Variants in SH3KBP1 observed in about 807,000 individuals in gnomAD.
SH3KBP1 encodes the protein SH3 domain containing kinase binding protein 1, also known as SH3 domain-containing kinase-binding protein 1.
A neutral mutation model predicts 50.1 loss-of-function variants in SH3KBP1; 8 were observed. The observed-to-expected ratio is 0.16, with a 90% CI of 0.09 to 0.29. The LOEUF (loss-of-function observed/expected upper bound fraction) is 0.29. SH3KBP1 is among the 10% of genes least tolerant of loss of function. The pLI is 1.00. For missense variants in SH3KBP1, 377 were observed against 535.2 expected (o/e 0.70, Z 2.92); for synonymous variants, 227 against 218.6 (o/e 1.04, Z -0.34).
At chrX:19,761,054 G>A (rs771293730) in intron 2 of SH3KBP1, among the ~76,000 whole-genome samples, 1 of 103,651 alleles carries the variant, frequency 9.6e-6, no homozygotes, top group South Asian at 4.8e-4. Flanking sequence ...GAGAGGAGGC[G>A]GCGGAGGTGT....
rs191466573 is a variant in SH3KBP1 at position 19,737,369 on chromosome X, G to A, written c.286+8949C>T. Among the ~76,000 whole-genome samples, 7 of 111,566 alleles carry A rather than the reference G, an allele frequency of 6.3e-5. No homozygotes were observed. In the East Asian group the frequency reaches 1.4e-3, roughly 22 times the overall value. On this transcript the variant is annotated intron_variant, in intron 3 of 17. Transcript: ENST00000397821. ...GTTCGTTCGCCTGGGATGTCAATAA[G>A]TGGGTCCCTCTGTAACCTCTGTAAC...
chrX:19,563,847 G>A lies in SH3KBP1; in HGVS notation c.1384+5256C>T, dbSNP rs183793221. ...CAGTAAGGAGACAGTGTCTGTAGGA[G>A]CCAGCCGTGGCTCTTCAGTGAAAGT... On this transcript the variant is annotated intron_variant, in intron 13 of 17. Coordinates refer to ENST00000397821, the MANE Select transcript of SH3KBP1 (RefSeq NM_031892.3). Among the ~76,000 whole-genome samples the A allele has an allele frequency of 2.4e-3, 270 of 111,897 alleles. 1 individual carries two copies. The highest frequency in any genetic ancestry group is 7.9e-3 in the African/African-American group (243 of 30,795).
intron 9 of SH3KBP1, among the ~76,000 whole-genome samples, chrX:19,606,054 TAG>T (rs1291128146): frequency 8.9e-6 from 1 of 112,100 alleles, no homozygotes; most frequent in Non-Finnish European, 1.9e-5. Context: ...CAGTTTTAGC[TAG>T]AGTCTTCCTA....
At position 19,567,518 on chromosome X, in the gene SH3KBP1, CAAAAAAAAAAAAAAAAAAAAAAA is replaced by C. The variant is rs869158450; in HGVS notation, c.1384+1562_1384+1584del. Among the ~76,000 whole-genome samples, 7 of 7,272 alleles carry C rather than the reference CAAAAAAAAAAAAAAAAAAAAAAA, an allele frequency of 9.6e-4. 1 individual carries two copies. Among genetic ancestry groups the C allele is most frequent in the East Asian group, 7.0e-3 (1 of 143 alleles). 6.3% of individuals were successfully genotyped at this position (7,272 alleles called of 115,157 possible). ...TGGGTGACAGAGCAAGACTCCATCTCAAAAAAAAAAAAAAAAAAAAAAAAAAAAAAAAAAAAAAAATATATATA... is the reference window on the plus strand; with the variant it reads ...TGGGTGACAGAGCAAGACTCCATCTCAAAAAAAAAAAAAAAAATATATATA... On this transcript the variant is annotated intron_variant, in intron 13 of 17. Coordinates refer to ENST00000397821, the MANE Select transcript of SH3KBP1 (RefSeq NM_031892.3).
chrX:19,760,610 G>T (rs923575504), intron 2 of SH3KBP1, among the ~76,000 whole-genome samples: 5 of 110,023 alleles, frequency 4.5e-5, no homozygotes, highest in African/African-American at 1.7e-4. Flanking sequence ...CTTCCAGTAA[G>T]GAGCAGCTAG....
chrX:19,760,835 G>A (rs1253536679), intron 2 of SH3KBP1, among the ~76,000 whole-genome samples: 1 of 110,709 alleles, frequency 9.0e-6, no homozygotes. Context: ...ACAGACATGG[G>A]CCAGGGGCTA....
At chrX:19,811,258 C>T (rs1456693340) in intron 2 of SH3KBP1, among the ~76,000 whole-genome samples, 1 of 111,358 alleles carries the variant, frequency 9.0e-6, no homozygotes, top group African/African-American at 3.3e-5. Flanking sequence ...AATTACAGAA[C>T]GACAGCTACC....
chrX:19,674,008 C>A (rs760348210), intron 6 of SH3KBP1, among the ~76,000 whole-genome samples: 1 of 112,764 alleles, frequency 8.9e-6, no homozygotes, highest in East Asian at 2.8e-4. Flanking sequence ...TATCCCATCC[C>A]TTCCTTCTTG....
At chrX:19,682,009 A>G (rs1192204529) in intron 6 of SH3KBP1, among the ~76,000 whole-genome samples, 2 of 110,986 alleles carry the variant, frequency 1.8e-5, no homozygotes, top group African/African-American at 6.6e-5. Flanking sequence ...TGAGAGAAAG[A>G]GCCAGGGACA....
At position 19,631,075 on chromosome X, in the gene SH3KBP1, C is replaced by T. The variant is rs1416975060; in HGVS notation, c.897+789G>A. 4.5e-5 allele frequency among the ~76,000 whole-genome samples: 5 copies of T among 112,245 alleles called. No individual in the cohort carries two copies. The Admixed American group carries it at 4.7e-4, about 11-fold the overall frequency. On this transcript the variant is annotated intron_variant, in intron 8 of 17. Transcript: ENST00000397821. ...GATGATCTCCCAAGTCACACTTGTG[C>T]TAAGGGAACTGTGCTAAGTTCCCTG...
chrX:19,887,402 C>T lies in SH3KBP1; in HGVS notation c.-92G>A. 1 of 790,572 alleles carries T rather than the reference C, an allele frequency of 1.3e-6. No homozygotes were observed. Among genetic ancestry groups the T allele is most frequent in the Non-Finnish European group, 1.6e-6 (1 of 625,268 alleles). The allele number at this position is 790,572 out of a possible 1,213,427, so 65.2% of individuals were successfully genotyped here. On this transcript the variant is annotated 5_prime_UTR_variant, in exon 1 of 18. Transcript: ENST00000397821. ...GGCGCCGGGATCGGGGCGCTGGGAT[C>T]CAGGCGCGAGGGTCCGGACGCGGCG...
chrX:19,574,482 C>T lies in SH3KBP1; in HGVS notation c.1299-5294G>A, dbSNP rs762942724. On this transcript the variant is annotated intron_variant, in intron 12 of 17. Transcript: ENST00000397821. Reference sequence around the variant, plus strand: ...ATAAACAACAGAAATTTATTTCTTACAGTTCTGGAGGCTGGGAAGTCCAAG... The same window carrying T: ...ATAAACAACAGAAATTTATTTCTTATAGTTCTGGAGGCTGGGAAGTCCAAG... Among the ~76,000 whole-genome samples, 10 of 112,756 alleles carry T rather than the reference C, an allele frequency of 8.9e-5. No individual in the cohort carries two copies. In the South Asian group the frequency reaches 3.6e-3, roughly 41 times the overall value.
chrX:19,583,453 C>A (rs1472151632), intron 12 of SH3KBP1, among the ~76,000 whole-genome samples: 1 of 111,388 alleles, frequency 9.0e-6, no homozygotes, highest in Non-Finnish European at 1.9e-5. Flanking sequence ...GCGTGCCCAG[C>A]CCACCATTGA....
At chrX:19,617,644 T>C (rs187705125) in intron 8 of SH3KBP1, among the ~76,000 whole-genome samples, 153 of 112,428 alleles carry the variant, frequency 1.4e-3, no homozygotes, top group African/African-American at 4.8e-3. Context: ...GAAGGATAAA[T>C]ACATGCAGTA....
At position 19,717,852 on chromosome X, in the gene SH3KBP1, G is replaced by A. The variant is rs1029018846; in HGVS notation, c.287-10868C>T. 1.4e-4 allele frequency among the ~76,000 whole-genome samples: 16 copies of A among 111,343 alleles called. 1 individual carries two copies. The highest frequency in any genetic ancestry group is 2.9e-4 in the African/African-American group (9 of 30,591). On this transcript the variant is annotated intron_variant, in intron 3 of 17. Coordinates refer to ENST00000397821, the MANE Select transcript of SH3KBP1 (RefSeq NM_031892.3). ...GGGCTATATATGAACAAGAAATGACGTATGTTTGATTTTATATTCGGTCCC... is the reference window on the plus strand; with the variant it reads ...GGGCTATATATGAACAAGAAATGACATATGTTTGATTTTATATTCGGTCCC...
At chrX:19,788,269 C>CAAAAAAAAAAAAAAAAAAAAA (rs1227301099) in intron 2 of SH3KBP1, among the ~76,000 whole-genome samples, 3 of 25,574 alleles carry the variant, frequency 1.2e-4, no homozygotes, top group Non-Finnish European at 1.8e-4. Flanking sequence ...ATTCTATCTC[C>CAAAAAAAAAAAAAAAAAAAAA]AAAAAAAAAA....
chrX:19,841,162 T>C (rs1032368790), intron 1 of SH3KBP1, among the ~76,000 whole-genome samples: 3 of 111,358 alleles, frequency 2.7e-5, no homozygotes, highest in Non-Finnish European at 3.8e-5. Context: ...GCGGTGGTGG[T>C]GGCGGTGGTA....
chrX:19,557,573 C>T (rs1024442772), intron 13 of SH3KBP1, among the ~76,000 whole-genome samples: 2 of 112,061 alleles, frequency 1.8e-5, no homozygotes, highest in African/African-American at 6.5e-5. Context: ...ACCAGCCCCA[C>T]GTGGCTACAG....
At chrX:19,575,968 C>T (rs1410452768) in intron 12 of SH3KBP1, among the ~76,000 whole-genome samples, 1 of 111,606 alleles carries the variant, frequency 9.0e-6, no homozygotes, top group African/African-American at 3.3e-5. Context: ...AAGGAAAAAG[C>T]CCATCCTTTT....
Sources: allele counts gnomAD v4.1 joint callset (sites outside exome capture counted in the v4.1 genomes callset), GRCh38; gene constraint gnomAD v4.1.1; transcripts MANE v1.5; gene names NCBI Gene and HGNC (gene_info 2026-07-23, HGNC 2026-07-21).